The following SRC variants were observed in gnomAD, a reference collection of about 807,000 sequenced individuals.
SRC encodes SRC proto-oncogene, non-receptor tyrosine kinase, also known as proto-oncogene tyrosine-protein kinase Src.
In SRC, 13 loss-of-function variants were observed where a neutral mutation model predicts 62.9. The ratio of observed to expected loss-of-function variants is 0.21; its 90% CI spans 0.13 to 0.33. The LOEUF (loss-of-function observed/expected upper bound fraction) is 0.33. Ranked by LOEUF, SRC falls within the 10% of genes least tolerant of loss-of-function variation. The pLI is 1.00. For synonymous variants in SRC, 302 were observed against 317.5 expected, an observed-to-expected ratio of 0.95 and a Z score of 0.52; for missense variants, 457 against 737.3, an observed-to-expected ratio of 0.62 and a Z score of 4.40.
At chr20:37,386,699 C>T (rs2147063081) in intron 5 of SRC, among the ~76,000 whole-genome samples, 1 of 152,332 alleles carries the variant, frequency 6.6e-6, no homozygotes, top group East Asian at 1.9e-4. Flanking sequence ...CTGCACATCT[C>T]CTCCCCATCC....
rs574567819 is a variant in SRC at position 37,384,911 on chromosome 20, C to A, written c.250+508C>A. On this transcript the variant is annotated intron_variant, in intron 4 of 13. Coordinates refer to ENST00000373578, the MANE Select transcript of SRC (RefSeq NM_198291.3). The surrounding 1 kb of genome is among the most constrained non-coding windows in gnomAD (Gnocchi z 6.7). ...CCCCGGAGAGGGCCGTTTTGGAGAG[C>A]CGCGGCGGTGCCCCAGACACTCCAC... Among the ~76,000 whole-genome samples, 33 of 152,200 alleles carry A rather than the reference C, an allele frequency of 2.2e-4. No homozygotes were observed. The highest frequency in any genetic ancestry group is 3.5e-4 in the Non-Finnish European group (24 of 68,016).
intron 2 of SRC, among the ~76,000 whole-genome samples, chr20:37,378,738 G>T (rs1201264413): frequency 6.6e-6 from 1 of 152,180 alleles, no homozygotes; most frequent in Non-Finnish European, 1.5e-5. Context: ...TGTCTGTGAG[G>T]TTTACAGAGC....
In SRC at chr20:37,403,013, C is replaced by T. The variant is rs1156507929; in HGVS notation, c.1402+133C>T. On this transcript the variant is annotated intron_variant, in intron 13 of 13. Coordinates refer to ENST00000373578, the MANE Select transcript of SRC (RefSeq NM_198291.3). This position sits in a 1 kb window ranked among gnomAD's most constrained non-coding sequence, Gnocchi z 7.1. ...GAAGTTGAGCGTCTGATGTTAGGCT[C>T]TCTCGATGGTCCATGCTCTCAGCTT... is the stretch of plus-strand genomic sequence containing the variant. 2 of 1,348,508 alleles carry T rather than the reference C, an allele frequency of 1.5e-6. No homozygotes were observed. Among genetic ancestry groups the T allele is most frequent in the Non-Finnish European group, 2.0e-6 (2 of 1,006,678 alleles). The allele number at this position is 1,348,508 out of a possible 1,614,324, so 83.5% of individuals were successfully genotyped here.
chr20:37,372,843 A>T (rs568398519), intron 2 of SRC, among the ~76,000 whole-genome samples: 20 of 152,196 alleles, frequency 1.3e-4, no homozygotes, highest in Admixed American at 5.9e-4. Context: ...ATGAGTTGCA[A>T]TTATTTTTCT....
intron 1 of SRC, among the ~76,000 whole-genome samples, chr20:37,360,305 C>T (rs544946484): frequency 1.4e-5 from 2 of 147,048 alleles, no homozygotes; most frequent in East Asian, 3.9e-4. Flanking sequence ...CTCACTGCAG[C>T]CTCAAGCTCC....
rs1032485330 is a variant in SRC, at chr20:37,397,461, A to AC, written c.704-233dup. Among the ~76,000 whole-genome samples the AC allele has an allele frequency of 1.4e-4, 22 of 151,986 alleles. No individual in the cohort carries two copies. Among genetic ancestry groups the AC allele is most frequent in the African/African-American group, 5.1e-4 (21 of 41,424 alleles). On this transcript the variant is annotated intron_variant, in intron 8 of 13. Transcript: ENST00000373578. The surrounding 1 kb of genome is among the most constrained non-coding windows in gnomAD (Gnocchi z 4.1). Reference sequence around the variant, plus strand: ...GTTCCCTCCCCGCAGGGTTCCTGGCACCCCCTACTGTCTGCTGAATGACTG... The same window carrying AC: ...GTTCCCTCCCCGCAGGGTTCCTGGCACCCCCCTACTGTCTGCTGAATGACTG...
At position 37,396,482 on chromosome 20, in the gene SRC, CCTT is replaced by C. The variant is rs980920417; in HGVS notation, c.703+179_703+181del. 14 of 781,080 alleles carry C rather than the reference CCTT, an allele frequency of 1.8e-5. No homozygotes were observed. Among genetic ancestry groups the C allele is most frequent in the Non-Finnish European group, 2.6e-5 (13 of 500,508 alleles). 48.4% of individuals were successfully genotyped at this position (781,080 alleles called of 1,614,324 possible). A position where few individuals can be genotyped will look rare whatever the true frequency, so the allele number is the denominator to read the frequency against. On this transcript the variant is annotated intron_variant, in intron 8 of 13. Coordinates refer to ENST00000373578, the MANE Select transcript of SRC (RefSeq NM_198291.3). The surrounding 1 kb of genome is among the most constrained non-coding windows in gnomAD (Gnocchi z 6.1). Reference sequence around the variant, plus strand: ...TCCCTTTTCCCTCCTTTCCTTGTCTCCTTCTTCTTCCTCTTCTTTCCCCCAGCC... The same window carrying C: ...TCCCTTTTCCCTCCTTTCCTTGTCTCCTTCTTCCTCTTCTTTCCCCCAGCC...
chr20:37,394,454 G>A (rs145014557), intron 7 of SRC, among the ~76,000 whole-genome samples, 177 bp downstream of exon 7: 16 of 152,256 alleles, frequency 1.1e-4, no homozygotes, highest in African/African-American at 3.1e-4. Context: ...AGTAATCCGC[G>A]GTGGCCAGAT....
At position 37,386,058 on chromosome 20, in the gene SRC, C is replaced by A; in HGVS notation, c.251-17C>A. ...CTGTGGCCCCACTGTTCTGACACAC[C>A]CCACCCCTCTCTGCAGGTGGAGTGA... On this transcript the variant is annotated splice_polypyrimidine_tract_variant and intron_variant, in intron 4 of 13. Transcript: ENST00000373578. 6.3e-7 allele frequency: 1 copy of A among 1,598,148 alleles called. No homozygotes were observed. The highest frequency in any genetic ancestry group is 8.6e-7 in the Non-Finnish European group (1 of 1,165,500).
At chr20:37,372,443 G>T (rs1028946897) in intron 2 of SRC, among the ~76,000 whole-genome samples, 3 of 152,032 alleles carry the variant, frequency 2.0e-5, no homozygotes. Flanking sequence ...TGACTCACTG[G>T]TAATTGAGGA....
rs2070787532 is a variant in SRC, at chr20:37,404,156, A to G, written c.*777A>G. 4.3e-6 allele frequency: 1 copy of G among 233,370 alleles called. No individual in the cohort carries two copies. Among genetic ancestry groups the G allele is most frequent in the African/African-American group, 2.2e-5 (1 of 45,268 alleles). 14.5% of individuals were successfully genotyped at this position (233,370 alleles called of 1,614,324 possible). On this transcript the variant is annotated 3_prime_UTR_variant, in exon 14 of 14. Transcript: ENST00000373578. ...CCTCTGTCATCCTCAGGAACCAACA[A>G]TTCGTCGGAGGCATCATGGAAAGAC...
At chr20:37,372,807 GA>G (rs1356385424) in intron 2 of SRC, among the ~76,000 whole-genome samples, 2 of 149,598 alleles carry the variant, frequency 1.3e-5, no homozygotes, top group Non-Finnish European at 3.0e-5. Flanking sequence ...TACATGCTAA[GA>G]AAAAAAAACA....
chr20:37,394,204 G>T lies in SRC; in HGVS notation c.480G>T (p.Glu160Asp). The change falls in exon 7 of 14, where the codon GAG (glutamate) becomes GAT (aspartate). Residue 160 changes from glutamate (E) to aspartate (D), a missense_variant. By Grantham distance (45) the Glu-to-Asp change is conservative. This residue lies in a region of SRC where 141 missense variants were observed against 198.4 expected (regional missense o/e 0.71). Transcript: ENST00000373578. ...ATTTTGGCAAGATCACCAGACGGGA[G>T]TCAGAGCGGTTACTGCTCAATGCAG... is the stretch of plus-strand genomic sequence containing the variant. ...EWYFGKITRR[E>D]SERLLLNAEN... The T allele has an allele frequency of 2.5e-6, 4 of 1,614,056 alleles. No homozygotes were observed. Among genetic ancestry groups the T allele is most frequent in the Non-Finnish European group, 3.4e-6 (4 of 1,180,042 alleles).
intron 5 of SRC, among the ~76,000 whole-genome samples, chr20:37,391,915 C>T (rs887737367): frequency 3.3e-5 from 5 of 152,252 alleles, no homozygotes; most frequent in South Asian, 2.1e-4. Context: ...TGTGTCCCTG[C>T]GCTGATCGCT....
chr20:37,356,721 G>C (rs755931097), intron 1 of SRC, among the ~76,000 whole-genome samples: 1 of 152,186 alleles, frequency 6.6e-6, no homozygotes, highest in Admixed American at 6.5e-5. Flanking sequence ...CCAGGGCAAA[G>C]CTCCCCGACG....
chr20:37,374,705 G>C (rs1364745097), intron 2 of SRC, among the ~76,000 whole-genome samples: 1 of 151,330 alleles, frequency 6.6e-6, no homozygotes, highest in East Asian at 1.9e-4. Flanking sequence ...CTCCAGAGCA[G>C]CTTGGATTAC....
chr20:37,403,261 T>C lies in SRC; in HGVS notation c.1493T>C (p.Met498Thr). 2 of 1,595,248 alleles carry C rather than the reference T, an allele frequency of 1.3e-6. No individual in the cohort carries two copies. The highest frequency in any genetic ancestry group is 1.7e-6 in the Non-Finnish European group (2 of 1,171,818). ...PECPESLHDLMCQCWRKEPEE... is the reference protein window; with the variant it reads ...PECPESLHDLTCQCWRKEPEE... ...TGTCCCGAGTCCCTGCACGACCTCA[T>C]GTGCCAGTGCTGGCGGAAGGAGCCT... Residue 498 changes from methionine to threonine, a missense_variant, in exon 14 of 14, where the codon ATG becomes ACG. Physicochemically the swap from Met to Thr is moderately conservative, Grantham distance 81. Transcript: ENST00000373578. This position sits in a 1 kb window ranked among gnomAD's most constrained non-coding sequence, Gnocchi z 7.1.
In SRC at chr20:37,400,307, C is replaced by T. The variant is rs373272284; in HGVS notation, c.1039+13C>T. ...TACATGAGCAAGGGTGAGTCCTGGG[C>T]GGCCGGGGCAGGGGGCAGGGGCACT... On this transcript the variant is annotated intron_variant, in intron 10 of 13. Coordinates refer to ENST00000373578, the MANE Select transcript of SRC (RefSeq NM_198291.3). 125 of 1,598,954 alleles carry T rather than the reference C, an allele frequency of 7.8e-5. 1 individual carries two copies. The highest frequency in any genetic ancestry group is 2.1e-4 in the South Asian group (19 of 89,460).
Position 37,384,098 on chromosome 20 carries a change from A to G in SRC, c.-4-52A>G. 6.3e-7 allele frequency: 1 copy of G among 1,584,432 alleles called. No individual in the cohort carries two copies. Among genetic ancestry groups the G allele is most frequent in the Non-Finnish European group, 8.5e-7 (1 of 1,170,962 alleles). ...GGAATGGGTGGGAGGGAGGCCGGCC[A>G]AGGGGCCCCGGCAGCCCTGCCTGTT... On this transcript the variant is annotated intron_variant, in intron 3 of 13. Transcript: ENST00000373578. This position sits in a 1 kb window ranked among gnomAD's most constrained non-coding sequence, Gnocchi z 6.7.
Sources: gnomAD v4.1 joint callset for allele counts (sites outside exome capture counted in the v4.1 genomes callset) on GRCh38, gnomAD v4.1.1 for gene constraint, gnomAD v4.1.1 regional missense constraint, Gnocchi (gnomAD v3.1) non-coding constraint, MANE v1.5 for transcripts, NCBI Gene and HGNC (gene_info 2026-07-23, HGNC 2026-07-21) for gene names.